SPOCK1: variants seen among roughly 807,000 people sequenced by gnomAD.
SPOCK1 encodes the protein testican-1.
In SPOCK1, 23 loss-of-function variants were observed where a neutral mutation model predicts 55.3. That is an observed-to-expected ratio of 0.42 (90% confidence interval 0.30 to 0.59). The LOEUF is 0.59. Among genes scored for constraint, SPOCK1 ranks in the 20% least tolerant of loss-of-function variants. SPOCK1 has a pLI of 0.22. For synonymous variants in SPOCK1, 226 were observed against 221.0 expected (o/e 1.02, Z -0.20); for missense variants, 499 against 552.5 (o/e 0.90, Z 0.97).
At chr5:137,443,658 C>G (rs1753063353) in intron 2 of SPOCK1, among the ~76,000 whole-genome samples, 1 of 152,192 alleles carries the variant, frequency 6.6e-6, no homozygotes, top group Non-Finnish European at 1.5e-5. Flanking sequence ...TGCCCTTATT[C>G]AGCTATCCTC....
chr5:137,458,938 A>G (rs1412648538), intron 2 of SPOCK1, among the ~76,000 whole-genome samples: 2 of 152,212 alleles, frequency 1.3e-5, no homozygotes, highest in African/African-American at 2.4e-5. Flanking sequence ...GCTAAGTTGG[A>G]ATGATTTTAC....
In SPOCK1 at chr5:137,400,667, C is replaced by G. The variant is rs181862041; in HGVS notation, c.186+97706G>C. Among the ~76,000 whole-genome samples, 77 of 152,280 alleles carry G rather than the reference C, an allele frequency of 5.1e-4. 1 individual carries two copies. Among genetic ancestry groups the G allele is most frequent in the Middle Eastern group, 3.4e-3 (1 of 294 alleles). On this transcript the variant is annotated intron_variant, in intron 2 of 10. Coordinates refer to ENST00000394945, the MANE Select transcript of SPOCK1 (RefSeq NM_004598.4). The stretch of plus-strand genomic sequence containing the variant: ...GAGTACTGTGGCAGTGTGGTCAGCA[C>G]AGTTGCCATCAAATGGTCCTTGCAG...
At chr5:137,019,727 A>G (rs1419633552) in intron 6 of SPOCK1, among the ~76,000 whole-genome samples, 4 of 152,072 alleles carry the variant, frequency 2.6e-5, no homozygotes, top group Non-Finnish European at 4.4e-5. Context: ...AATTTCCATT[A>G]AAATATACTG....
chr5:137,042,176 A>G (rs939501431), intron 6 of SPOCK1, among the ~76,000 whole-genome samples: 2 of 152,204 alleles, frequency 1.3e-5, no homozygotes, highest in African/African-American at 4.8e-5. Context: ...TTAAATGAAT[A>G]TTGTCAAGTG....
intron 4 of SPOCK1, among the ~76,000 whole-genome samples, chr5:137,132,306 G>C (rs1753901757): frequency 6.6e-6 from 1 of 151,826 alleles, no homozygotes; most frequent in African/African-American, 2.4e-5. Context: ...GGAGAGATGT[G>C]CTCTAGCAAT....
intron 3 of SPOCK1, among the ~76,000 whole-genome samples, chr5:137,167,238 T>C (rs1181514774): frequency 6.6e-6 from 1 of 152,056 alleles, no homozygotes; most frequent in East Asian, 1.9e-4. Flanking sequence ...CATTATATAA[T>C]GTTAAAAGGG....
chr5:137,133,967 T>G (rs1445675241), intron 4 of SPOCK1, among the ~76,000 whole-genome samples: 104 of 47,442 alleles, frequency 2.2e-3, no homozygotes, highest in African/African-American at 3.2e-3. Context: ...GTGGGGGGGG[T>G]AGCGGGGGGT....
In SPOCK1 at chr5:137,002,710, C is replaced by A. The variant is rs113193384; in HGVS notation, c.590-10110G>T. Among the ~76,000 whole-genome samples, 563 of 152,252 alleles carry A rather than the reference C, an allele frequency of 3.7e-3. 8 individuals carry two copies. The highest frequency in any genetic ancestry group is 0.02 in the Middle Eastern group (6 of 294). On this transcript the variant is annotated intron_variant, in intron 6 of 10. Transcript: ENST00000394945. ...GCAGAAATGACAACTGCTGTTCTCA[C>A]CTAAAATCAGCAATGGCAAATGCTC...
At chr5:137,076,607 T>TA (rs35285273) in intron 5 of SPOCK1, among the ~76,000 whole-genome samples, 4,093 of 112,614 alleles carry the variant, frequency 0.036, 93 homozygotes, top group African/African-American at 0.065. Context: ...GGACTGAAAG[T>TA]AAAAAAAAAA....
intron 2 of SPOCK1, among the ~76,000 whole-genome samples, chr5:137,347,684 T>TC (rs1243871686): frequency 6.6e-6 from 1 of 151,956 alleles, no homozygotes; most frequent in African/African-American, 2.4e-5. Context: ...ACTGCTGCAC[T>TC]CCAGTCTGGG....
intron 5 of SPOCK1, among the ~76,000 whole-genome samples, chr5:137,110,936 T>C (rs541369514): frequency 1.6e-4 from 25 of 152,318 alleles, no homozygotes; most frequent in African/African-American, 5.8e-4. Context: ...GCCAGACATA[T>C]GTACCTTTCC....
chr5:137,163,740 G>A (rs934778185), intron 3 of SPOCK1, among the ~76,000 whole-genome samples: 5 of 152,106 alleles, frequency 3.3e-5, no homozygotes, highest in Admixed American at 1.3e-4. Flanking sequence ...AGGCTAGATC[G>A]CGCAAAGATT....
At chr5:137,340,505 A>G (rs973463817) in intron 2 of SPOCK1, among the ~76,000 whole-genome samples, 2 of 152,208 alleles carry the variant, frequency 1.3e-5, no homozygotes, top group Non-Finnish European at 1.5e-5. Flanking sequence ...TGAAATAAGA[A>G]TAACTGTAGT....
At chr5:137,205,557 A>G (rs1755503510) in intron 3 of SPOCK1, among the ~76,000 whole-genome samples, 1 of 152,190 alleles carries the variant, frequency 6.6e-6, no homozygotes, top group Non-Finnish European at 1.5e-5. Flanking sequence ...AGACAGTGGA[A>G]CTATGCACTT....
At chr5:137,135,759 G>C (rs1753972343) in intron 4 of SPOCK1, among the ~76,000 whole-genome samples, 1 of 152,154 alleles carries the variant, frequency 6.6e-6, no homozygotes, top group South Asian at 2.1e-4. Flanking sequence ...TGGGAGGTTT[G>C]TCTTCTTTCA....
chr5:137,170,111 A>G (rs1754723487), intron 3 of SPOCK1, among the ~76,000 whole-genome samples: 1 of 152,232 alleles, frequency 6.6e-6, no homozygotes, highest in African/African-American at 2.4e-5. Context: ...ATATAATAAA[A>G]TGATGTAGTG....
At chr5:137,367,908 G>A (rs1251942144) in intron 2 of SPOCK1, among the ~76,000 whole-genome samples, 2 of 152,216 alleles carry the variant, frequency 1.3e-5, no homozygotes, top group African/African-American at 2.4e-5. Flanking sequence ...GAGGGCAAAG[G>A]GGGCTCAGGT....
At chr5:137,313,778 A>G (rs576715069) in intron 2 of SPOCK1, among the ~76,000 whole-genome samples, 1 of 151,182 alleles carries the variant, frequency 6.6e-6, no homozygotes, top group Non-Finnish European at 1.5e-5. Flanking sequence ...GCATTCATGC[A>G]TGACAGGAAA....
intron 2 of SPOCK1, among the ~76,000 whole-genome samples, chr5:137,310,960 C>T (rs11745363): frequency 0.19 from 28,421 of 152,096 alleles, 2,751 homozygotes; most frequent in East Asian, 0.27. Context: ...CTGCTCAATT[C>T]CCTAACACAG....
Sources: gnomAD v4.1 joint callset for allele counts (sites outside exome capture counted in the v4.1 genomes callset) on GRCh38, gnomAD v4.1.1 for gene constraint, MANE v1.5 for transcripts, NCBI Gene and HGNC (gene_info 2026-07-23, HGNC 2026-07-21) for gene names.